Variants in TRANK1 observed in about 807,000 individuals in gnomAD.
TRANK1 encodes the protein tetratricopeptide repeat and ankyrin repeat containing 1.
In TRANK1, 198 loss-of-function variants were observed where a neutral mutation model predicts 266.0. The ratio of observed to expected loss-of-function variants is 0.74; its 90% confidence interval spans 0.66 to 0.84. The LOEUF (loss-of-function observed/expected upper bound fraction) is 0.84, where lower values mean the gene tolerates loss of function less well. TRANK1 is among the 40% of genes least tolerant of loss of function. TRANK1 has a pLI of 0.00. For synonymous variants in TRANK1, 1,396 were observed against 1,384.1 expected (o/e 1.01, Z -0.19); for missense variants, 3,326 against 3,634.6 (o/e 0.92, Z 2.18).
At chr3:36,873,879 C>T (rs2079345945) in intron 9 of TRANK1, among the ~76,000 whole-genome samples, 1 of 148,792 alleles carries the variant, frequency 6.7e-6, no homozygotes, top group South Asian at 2.1e-4. Flanking sequence ...ATCACCCACA[C>T]TGTCAAAAGG....
chr3:36,933,841 A>C (rs1275224798), intron 1 of TRANK1, among the ~76,000 whole-genome samples: 2 of 152,208 alleles, frequency 1.3e-5, no homozygotes, highest in Non-Finnish European at 2.9e-5. Flanking sequence ...AAGCAGCTAC[A>C]GCTGAGAAAG....
chr3:36,881,732 C>T (rs190811857), intron 8 of TRANK1, among the ~76,000 whole-genome samples: 5 of 152,288 alleles, frequency 3.3e-5, no homozygotes, highest in Non-Finnish European at 5.9e-5. Context: ...AAATAAATCT[C>T]ATACACATTA....
Position 36,856,913 on chromosome 3 carries a change from C to T in TRANK1, c.2809G>A (p.Glu937Lys), listed in dbSNP as rs750316606. ...ACGATGTCCCAAATCCGGATGATTTCCGTGTAGATCCGCCCTGATTTCTCC... is the reference window on the plus strand; with the variant it reads ...ACGATGTCCCAAATCCGGATGATTTTCGTGTAGATCCGCCCTGATTTCTCC... The part of the protein sequence containing the change: ...AMEKSGRIYT[E>K]IIRIWDIVLD... Residue 937 changes from glutamate (E) to lysine (K), a missense_variant, in exon 13 of 24, where the codon GAA becomes AAA. Glu to Lys is a moderately conservative substitution (Grantham distance 56). Coordinates refer to ENST00000645898, the MANE Select transcript of TRANK1 (RefSeq NM_001329998.2). 16 of 1,613,782 alleles carry T rather than the reference C, an allele frequency of 9.9e-6. No homozygotes were observed. The highest frequency in any genetic ancestry group is 1.3e-5 in the African/African-American group (1 of 74,914).
chr3:36,903,059 C>T (rs2079907011), intron 3 of TRANK1, 90 bp downstream of exon 3: 4 of 1,456,658 alleles, frequency 2.7e-6, no homozygotes, highest in African/African-American at 2.8e-5. Context: ...GTGCCACTGC[C>T]CCACACTTTC....
chr3:36,851,079 G>A, intron 15 of TRANK1: 5 of 985,494 alleles, frequency 5.1e-6, no homozygotes, highest in Non-Finnish European at 6.0e-6. Context: ...AACTAAGCTT[G>A]GGGAGAAAAA....
chr3:36,831,448 T>G lies in TRANK1; in HGVS notation c.8135A>C (p.Gln2712Pro). 6.2e-7 allele frequency: 1 copy of G among 1,613,128 alleles called. No individual in the cohort carries two copies. Among genetic ancestry groups the G allele is most frequent in the Non-Finnish European group, 8.5e-7 (1 of 1,179,562 alleles). The change falls in exon 22 of 24, where the codon CAA becomes CCA. Residue 2712 changes from glutamine (Q) to proline (P), a missense_variant. By Grantham distance (76) the Gln-to-Pro change is moderately conservative. Coordinates refer to ENST00000645898, the MANE Select transcript of TRANK1 (RefSeq NM_001329998.2). The surrounding 1 kb of genome is among the most constrained non-coding windows in gnomAD (Gnocchi z 5.0). ...RDHVLATILSQKQRKASIQRK... is the reference protein window; with the variant it reads ...RDHVLATILSPKQRKASIQRK... ...CTGTATGGAGGCCTTCCGTTGCTTT[T>G]GGGAAAGAATGGTGGCCAGGACGTG...
intron 22 of TRANK1, 149 bp from the exon 23 acceptor site, chr3:36,829,811 G>C (rs1357083894): frequency 1.4e-6 from 1 of 703,512 alleles, no homozygotes; most frequent in East Asian, 2.7e-5. Context: ...GGGACCCAAA[G>C]CTGCCTTCTG....
intron 3 of TRANK1, among the ~76,000 whole-genome samples, chr3:36,902,643 C>G (rs1484235263): frequency 1.3e-5 from 2 of 152,196 alleles, no homozygotes; most frequent in Non-Finnish European, 1.5e-5. Flanking sequence ...TCCATGATCT[C>G]TCTGAAGAGC....
chr3:36,923,944 G>A (rs1221307950), intron 1 of TRANK1, among the ~76,000 whole-genome samples: 1 of 151,678 alleles, frequency 6.6e-6, no homozygotes, highest in Non-Finnish European at 1.5e-5. Flanking sequence ...TGCCTGAAGG[G>A]AAGAAGACTC....
intron 9 of TRANK1, among the ~76,000 whole-genome samples, chr3:36,871,803 T>A (rs1040213146): frequency 6.6e-6 from 1 of 151,986 alleles, no homozygotes; most frequent in Non-Finnish European, 1.5e-5. Context: ...AAGGGAGAAG[T>A]GTTTAAAAAG....
chr3:36,854,143 C>T (rs1408334993), intron 13 of TRANK1, among the ~76,000 whole-genome samples: 1 of 152,052 alleles, frequency 6.6e-6, no homozygotes, highest in Non-Finnish European at 1.5e-5. Context: ...GGTGGATCAC[C>T]TCAGGTCAGG....
At chr3:36,851,484 A>G (rs2078983567) in intron 15 of TRANK1, 2 of 1,248,436 alleles carry the variant, frequency 1.6e-6, no homozygotes, top group East Asian at 6.9e-5. Flanking sequence ...AGAGAGCCAA[A>G]GAAGGGCAGG....
chr3:36,836,483 G>GTA (rs200328253), intron 20 of TRANK1, among the ~76,000 whole-genome samples: 21 of 152,170 alleles, frequency 1.4e-4, no homozygotes, highest in East Asian at 5.8e-4. Flanking sequence ...TAAGCCTAAA[G>GTA]TATATATATA....
At chr3:36,845,747 T>C (rs1395737515) in intron 17 of TRANK1, among the ~76,000 whole-genome samples, 1 of 152,174 alleles carries the variant, frequency 6.6e-6, no homozygotes, top group African/African-American at 2.4e-5. Flanking sequence ...CTGAAAGAAA[T>C]GAATTTAGCC....
At chr3:36,863,369 A>G (rs1441839223) in intron 10 of TRANK1, among the ~76,000 whole-genome samples, 1 of 152,234 alleles carries the variant, frequency 6.6e-6, no homozygotes, top group African/African-American at 2.4e-5. Flanking sequence ...CATGGGCCAC[A>G]GATCAAATGA....
intron 17 of TRANK1, among the ~76,000 whole-genome samples, chr3:36,843,529 C>T (rs2078876468): frequency 6.6e-6 from 1 of 152,144 alleles, no homozygotes; most frequent in Non-Finnish European, 1.5e-5. Context: ...CTGTCCATCC[C>T]TTCTGTTATC....
At position 36,899,236 on chromosome 3, in the gene TRANK1, G is replaced by A. The variant is rs1193478390; in HGVS notation, c.306C>T (p.Ser102=). The A allele has an allele frequency of 1.3e-6, 2 of 1,537,298 alleles. No homozygotes were observed. The highest frequency in any genetic ancestry group is 1.7e-6 in the Non-Finnish European group (2 of 1,146,924). The part of the protein sequence containing the change: ...YVKGYYRAGY[S]LLRLHQPYEA... ...CGTAAGGCTGGTGCAACCTCAGCAA[G>A]GAATAACCAGCTCGGTAGTATCCCT... Residue 102 remains serine (S), a synonymous_variant, in exon 4 of 24, where the codon TCC becomes TCT. Coordinates refer to ENST00000645898, the MANE Select transcript of TRANK1 (RefSeq NM_001329998.2).
intron 4 of TRANK1, among the ~76,000 whole-genome samples, chr3:36,897,278 C>G (rs1006418409): frequency 1.3e-5 from 2 of 152,196 alleles, no homozygotes; most frequent in Admixed American, 1.3e-4. Flanking sequence ...GCACTCCAGC[C>G]TGGCCCACAG....
At chr3:36,933,713 C>G (rs1559481168) in intron 1 of TRANK1, among the ~76,000 whole-genome samples, 1 of 152,234 alleles carries the variant, frequency 6.6e-6, no homozygotes, top group Non-Finnish European at 1.5e-5. Flanking sequence ...AGTGTAATCC[C>G]TGCAACATTT....
Sources: gnomAD v4.1 joint callset for allele counts (sites outside exome capture counted in the v4.1 genomes callset) on GRCh38, gnomAD v4.1.1 for gene constraint, Gnocchi (gnomAD v3.1) non-coding constraint, MANE v1.5 for transcripts, NCBI Gene and HGNC (gene_info 2026-07-23, HGNC 2026-07-21) for gene names.